Variants in ZNRF3 observed in about 807,000 individuals in gnomAD.
ZNRF3 encodes the protein E3 ubiquitin-protein ligase ZNRF3.
ZNRF3 carries 23 observed loss-of-function variants against 72.5 expected under a neutral mutation model. That is an observed-to-expected ratio of 0.32 (90% CI 0.23 to 0.45). The LOEUF (loss-of-function observed/expected upper bound fraction) is 0.45. ZNRF3 is among the 20% of genes least tolerant of loss of function. The pLI is 1.00. For missense variants in ZNRF3, 1,169 were observed against 1,272.1 expected (o/e 0.92, Z 1.23); for synonymous variants, 610 against 545.3 (o/e 1.12, Z -1.65).
intron 1 of ZNRF3, among the ~76,000 whole-genome samples, chr22:28,924,009 C>T (rs2034555721): frequency 6.6e-6 from 1 of 152,234 alleles, no homozygotes; most frequent in South Asian, 2.1e-4. Flanking sequence ...CGGGCGGGAA[C>T]CACAAGATCA....
In ZNRF3 at chr22:28,945,393, C is replaced by T. The variant is rs747295412; in HGVS notation, c.301-41683C>T. On this transcript the variant is annotated intron_variant, in intron 1 of 8. Coordinates refer to ENST00000544604, the MANE Select transcript of ZNRF3 (RefSeq NM_001206998.2). The stretch of plus-strand genomic sequence containing the variant: ...AATATTAAGCAATGTGTCATATGAT[C>T]GTAATTTAAAAAGAAGGACCGGGCA... 8.6e-5 allele frequency among the ~76,000 whole-genome samples: 13 copies of T among 151,512 alleles called. No individual in the cohort carries two copies. The East Asian group carries it at 1.6e-3, about 18-fold the overall frequency.
intron 1 of ZNRF3, among the ~76,000 whole-genome samples, chr22:28,901,124 A>C (rs2034093968): frequency 6.6e-6 from 1 of 152,120 alleles, no homozygotes; most frequent in Non-Finnish European, 1.5e-5. Flanking sequence ...AAAATAAATA[A>C]ATAAATAAAT....
chr22:28,978,044 A>C lies in ZNRF3; in HGVS notation c.301-9032A>C, dbSNP rs144934264. Among the ~76,000 whole-genome samples, 159 of 152,338 alleles carry C rather than the reference A, an allele frequency of 1.0e-3. 5 individuals are homozygous for C. The South Asian group carries it at 0.023, about 22-fold the overall frequency. ...TTAACAAAACATGAAACCACATGAA[A>C]CCATGATAGTCAGTCTCACTGGGCT... On this transcript the variant is annotated intron_variant, in intron 1 of 8. Transcript: ENST00000544604.
In ZNRF3 at chr22:29,049,726, G is replaced by T; in HGVS notation, c.1545G>T (p.Val515=). Residue 515 remains valine (V), a synonymous_variant, in exon 8 of 9, where the codon GTG becomes GTT. Coordinates refer to ENST00000544604, the MANE Select transcript of ZNRF3 (RefSeq NM_001206998.2). This position sits in a 1 kb window ranked among gnomAD's most constrained non-coding sequence, Gnocchi z 5.2. The stretch of plus-strand genomic sequence containing the variant: ...TGCTCTTCCCCACCGTGGTGCACGT[G>T]GCCCCGCCCTCCCACCTGGAGAGCG... The part of the protein sequence containing the change: ...GSLLFPTVVH[V]APPSHLESGS... The T allele has an allele frequency of 6.3e-7, 1 of 1,599,090 alleles. No individual in the cohort carries two copies.
intron 2 of ZNRF3, among the ~76,000 whole-genome samples, chr22:28,990,771 C>T (rs1225860506): frequency 6.6e-6 from 1 of 152,144 alleles, no homozygotes; most frequent in Non-Finnish European, 1.5e-5. Flanking sequence ...CATCTTAACC[C>T]TCCAATTCAA....
intron 1 of ZNRF3, among the ~76,000 whole-genome samples, chr22:28,910,966 G>A (rs1443364124): frequency 2.6e-5 from 4 of 152,192 alleles, no homozygotes; most frequent in Admixed American, 6.6e-5. Context: ...ATGGCAGGGC[G>A]GGGAGAAAGA....
intron 2 of ZNRF3, among the ~76,000 whole-genome samples, chr22:29,001,843 C>A (rs1013570402): frequency 1.4e-4 from 22 of 152,094 alleles, no homozygotes; most frequent in African/African-American, 5.3e-4. Context: ...TGTGTCATAT[C>A]TAAGAAACCA....
At chr22:28,975,505 C>CT (rs2035654706) in intron 1 of ZNRF3, among the ~76,000 whole-genome samples, 1 of 77,022 alleles carries the variant, frequency 1.3e-5, no homozygotes, top group Non-Finnish European at 2.5e-5. Context: ...GATACTCTGT[C>CT]TCAAAAAAAA....
intron 1 of ZNRF3, among the ~76,000 whole-genome samples, chr22:28,960,765 C>T (rs1462604219): frequency 1.3e-5 from 2 of 152,130 alleles, no homozygotes; most frequent in Non-Finnish European, 2.9e-5. Context: ...AGCCCATTAC[C>T]TGCCAGGCTC....
Position 29,050,763 on chromosome 22 carries a change from C to A in ZNRF3, c.2582C>A (p.Pro861Gln). 1.2e-6 allele frequency: 2 copies of A among 1,607,408 alleles called. No individual in the cohort carries two copies. The highest frequency in any genetic ancestry group is 2.2e-5 in the East Asian group (1 of 44,582). The change falls in exon 8 of 9, where the codon CCG (proline) becomes CAG (glutamine). Residue 861 changes from proline (P) to glutamine (Q), a missense_variant. Physicochemically the swap from Pro to Gln is moderately conservative, Grantham distance 76. Transcript: ENST00000544604. ...GGCTCCTGGGGTGGGACGCGAGGCC[C>A]GGATACCCCACGGCCCCACAGGGGC... ...SLGSWGGTRG[P>Q]DTPRPHRGLG...
intron 1 of ZNRF3, among the ~76,000 whole-genome samples, chr22:28,926,169 T>C (rs1002176257): frequency 2.0e-5 from 3 of 152,208 alleles, no homozygotes; most frequent in Admixed American, 6.5e-5. Context: ...TGCCTTCTAG[T>C]GGTCTGGCCT....
chr22:28,989,195 C>T (rs554499967), intron 2 of ZNRF3, among the ~76,000 whole-genome samples: 2 of 152,240 alleles, frequency 1.3e-5, no homozygotes, highest in South Asian at 2.1e-4. Context: ...AGGCTGGTGG[C>T]GGGCAGCATT....
chr22:28,889,550 G>A (rs1388483360), intron 1 of ZNRF3, among the ~76,000 whole-genome samples: 1 of 152,274 alleles, frequency 6.6e-6, no homozygotes, highest in East Asian at 1.9e-4. Context: ...CTGTATTGCT[G>A]TTGTCTTCTG....
intron 1 of ZNRF3, among the ~76,000 whole-genome samples, chr22:28,944,948 A>AATAC (rs2035023540): frequency 6.7e-6 from 1 of 149,036 alleles, no homozygotes; most frequent in Non-Finnish European, 1.5e-5. Context: ...TAAATAAATA[A>AATAC]ATAAATAAAT....
chr22:28,885,587 T>G (rs536378905), intron 1 of ZNRF3, among the ~76,000 whole-genome samples: 1 of 130,192 alleles, frequency 7.7e-6, no homozygotes, highest in South Asian at 2.4e-4. Context: ...ATTTACAGCC[T>G]TCTAAAAAAA....
At chr22:28,972,005 G>A (rs909257723) in intron 1 of ZNRF3, among the ~76,000 whole-genome samples, 1 of 152,194 alleles carries the variant, frequency 6.6e-6, no homozygotes, top group Non-Finnish European at 1.5e-5. Flanking sequence ...ACTGCGCCCA[G>A]CCTGTTCTTT....
chr22:29,051,386 A>G (rs1364217274), intron 8 of ZNRF3, among the ~76,000 whole-genome samples: 1 of 152,108 alleles, frequency 6.6e-6, no homozygotes, highest in Non-Finnish European at 1.5e-5. Context: ...GAGTCGGTTC[A>G]TGACTCCTCA....
intron 1 of ZNRF3, among the ~76,000 whole-genome samples, chr22:28,940,880 T>C (rs1404578102): frequency 6.6e-6 from 1 of 152,226 alleles, no homozygotes; most frequent in Admixed American, 6.5e-5. Context: ...ATGACCAAAA[T>C]GTTACAGAAA....
At chr22:29,020,954 G>A (rs1322389455) in intron 2 of ZNRF3, among the ~76,000 whole-genome samples, 4 of 152,094 alleles carry the variant, frequency 2.6e-5, no homozygotes, top group Admixed American at 6.5e-5. Flanking sequence ...CCACCACCAC[G>A]CCTGGCTGAT....
Sources: allele counts gnomAD v4.1 joint callset (sites outside exome capture counted in the v4.1 genomes callset), GRCh38; gene constraint gnomAD v4.1.1; non-coding constraint Gnocchi (gnomAD v3.1); transcripts MANE v1.5; gene names NCBI Gene and HGNC (gene_info 2026-07-23, HGNC 2026-07-21).